OR4N2: variants seen among roughly 807,000 people sequenced by gnomAD.
OR4N2 encodes olfactory receptor family 4 subfamily N member 2, also known as olfactory receptor 4N2.
For missense variants in OR4N2, 307 were observed against 377.6 expected (o/e 0.81, Z 1.55); for synonymous variants, 141 against 140.4 (o/e 1.00, Z -0.03).
chr14:19,805,844 G>A (rs574766787), intron 1 of OR4N2, among the ~76,000 whole-genome samples: 87 of 152,236 alleles, frequency 5.7e-4, no homozygotes, highest in African/African-American at 1.7e-3. Context: ...GGTTATGTAC[G>A]AAGGGAACCC....
At position 19,827,952 on chromosome 14, in the gene OR4N2, T is replaced by C. The variant is rs1879761433; in HGVS notation, c.504T>C (p.Phe168=). 4 of 1,614,106 alleles carry C rather than the reference T, an allele frequency of 2.5e-6. No homozygotes were observed. The highest frequency in any genetic ancestry group is 1.3e-5 in the African/African-American group (1 of 74,934). Residue 168 remains phenylalanine (F), a synonymous_variant, in exon 2 of 2, where the codon TTT becomes TTC. Coordinates refer to ENST00000557677, the MANE Select transcript of OR4N2 (RefSeq NM_001004723.3). The part of the protein sequence containing the change: ...IQVVLILRLP[F]CGPNQLDNFF... The stretch of plus-strand genomic sequence containing the variant: ...TGGTCCTCATCCTCCGCTTGCCTTT[T>C]TGTGGCCCAAACCAGCTGGACAACT...
At chr14:19,806,290 A>T (rs1879163007) in intron 1 of OR4N2, among the ~76,000 whole-genome samples, 1 of 152,184 alleles carries the variant, frequency 6.6e-6, no homozygotes, top group South Asian at 2.1e-4. Flanking sequence ...TAAGTTGGAT[A>T]AAAAGGCAAG....
rs113156445 is a variant in OR4N2, at chr14:19,821,369, T to C, written c.-9-6071T>C. Among the ~76,000 whole-genome samples the C allele has an allele frequency of 2.3e-3, 350 of 152,246 alleles. 1 individual carries two copies. Among genetic ancestry groups the C allele is most frequent in the African/African-American group, 8.1e-3 (336 of 41,512 alleles). Reference sequence around the variant, plus strand: ...TCTTGCTGGGAGTTGCAGACCAGAGTTGCTCTTATTTGGCCATCTTGCCAG... The same window carrying C: ...TCTTGCTGGGAGTTGCAGACCAGAGCTGCTCTTATTTGGCCATCTTGCCAG... On this transcript the variant is annotated intron_variant, in intron 1 of 1. Coordinates refer to ENST00000557677, the MANE Select transcript of OR4N2 (RefSeq NM_001004723.3).
At position 19,827,868 on chromosome 14, in the gene OR4N2, C is replaced by G; in HGVS notation, c.420C>G (p.Thr140=). 1.9e-6 allele frequency: 3 copies of G among 1,614,262 alleles called. 1 individual carries two copies. The South Asian group carries it at 3.3e-5, about 18-fold the overall frequency. Residue 140 remains threonine, a synonymous_variant, in exon 2 of 2, where the codon ACC becomes ACG. Coordinates refer to ENST00000557677, the MANE Select transcript of OR4N2 (RefSeq NM_001004723.3). ...ATCCTACTGTCATGAACCCTAGAAC[C>G]TGCTATGCAATGATGTTGGCTCTGT... The part of the protein sequence containing the change: ...LHYPTVMNPR[T]CYAMMLALWL...
rs1468170835 is a variant in OR4N2, at chr14:19,808,442, C to T, written c.-10+4598C>T. ...TAGCATTTCCATACATCAATAATGT[C>T]CAGGCTGAGAGTGAAATCAAGGACA... On this transcript the variant is annotated intron_variant, in intron 1 of 1. Transcript: ENST00000557677. 3.3e-5 allele frequency among the ~76,000 whole-genome samples: 5 copies of T among 152,220 alleles called. No individual in the cohort carries two copies. The East Asian group carries it at 7.7e-4, about 23-fold the overall frequency.
At chr14:19,815,044 G>T (rs1879390805) in intron 1 of OR4N2, among the ~76,000 whole-genome samples, 1 of 152,328 alleles carries the variant, frequency 6.6e-6, no homozygotes, top group South Asian at 2.1e-4. Context: ...ATGTATATGT[G>T]ACCCATTTTC....
At chr14:19,818,361 G>T (rs529288818) in intron 1 of OR4N2, among the ~76,000 whole-genome samples, 747 of 152,128 alleles carry the variant, frequency 4.9e-3, no homozygotes, top group Non-Finnish European at 8.4e-3. Flanking sequence ...GAATATGAGT[G>T]CTCCTGTATT....
rs755540433 is a variant in OR4N2, at chr14:19,827,746, C to A, written c.298C>A (p.Gln100Lys). 1 of 1,614,122 alleles carries A rather than the reference C, an allele frequency of 6.2e-7. No homozygotes were observed. Among genetic ancestry groups the A allele is most frequent in the Non-Finnish European group, 8.5e-7 (1 of 1,180,054 alleles). Residue 100 changes from glutamine (Q) to lysine (K), a missense_variant, in exon 2 of 2, where the codon CAG (glutamine) becomes AAG (lysine). Transcript: ENST00000557677. ...AATCTCCTACAGAGGCTGCATCACT[C>A]AGCTCTTTTTCTTGCACTTCCTTGG... ...KIISYRGCIT[Q>K]LFFLHFLGGG...
Position 19,829,746 on chromosome 14 carries a change from A to G in OR4N2, c.*1374A>G, listed in dbSNP as rs577107271. The G allele has an allele frequency of 9.3e-4, 142 of 152,344 alleles. No homozygotes were observed. Among genetic ancestry groups the G allele is most frequent in the African/African-American group, 3.1e-3 (130 of 41,568 alleles). The allele number at this position is 152,344 out of a possible 1,614,324, so 9.4% of individuals were successfully genotyped here. ...AGCATCCAAAACATCTGGAACCCCA[A>G]ATGCAAGGGGGTCAAAAATTGAGTT... On this transcript the variant is annotated 3_prime_UTR_variant, in exon 2 of 2. Coordinates refer to ENST00000557677, the MANE Select transcript of OR4N2 (RefSeq NM_001004723.3).
intron 1 of OR4N2, among the ~76,000 whole-genome samples, chr14:19,823,730 G>A (rs1879623009): frequency 6.6e-6 from 1 of 150,960 alleles, no homozygotes; most frequent in African/African-American, 2.4e-5. Flanking sequence ...AATAAATAGA[G>A]CCAGAAAGAA....
chr14:19,814,919 G>A (rs557701599), intron 1 of OR4N2, among the ~76,000 whole-genome samples: 1 of 152,316 alleles, frequency 6.6e-6, no homozygotes, highest in South Asian at 2.1e-4. Context: ...AGAACATGTG[G>A]TGTTTGGTTT....
chr14:19,808,712 G>GA lies in OR4N2; in HGVS notation c.-10+4874dup, dbSNP rs1388113074. Among the ~76,000 whole-genome samples the GA allele has an allele frequency of 2.6e-5, 4 of 151,524 alleles. No homozygotes were observed. In the East Asian group the frequency reaches 5.8e-4, roughly 22 times the overall value. On this transcript the variant is annotated intron_variant, in intron 1 of 1. Coordinates refer to ENST00000557677, the MANE Select transcript of OR4N2 (RefSeq NM_001004723.3). Reference sequence around the variant, plus strand: ...ACCAACACCATTCTTCTCAGAATTAGAAAAAAGATCTAAAATTCATACAGA... The same window carrying GA: ...ACCAACACCATTCTTCTCAGAATTAGAAAAAAAGATCTAAAATTCATACAGA...
chr14:19,812,329 C>CTTTTTTTTTTTTTT (rs3078143), intron 1 of OR4N2, among the ~76,000 whole-genome samples: 156 of 117,384 alleles, frequency 1.3e-3, no homozygotes, highest in South Asian at 4.0e-3. Flanking sequence ...CTTTTCTTTT[C>CTTTTTTTTTTTTTT]TTTTTTTTTT....
intron 1 of OR4N2, among the ~76,000 whole-genome samples, chr14:19,813,123 G>T (rs1370106887): frequency 4.6e-5 from 7 of 152,200 alleles, no homozygotes; most frequent in African/African-American, 1.7e-4. Context: ...TAAGATCCTG[G>T]ATTATATGCA....
chr14:19,824,909 A>G (rs1313895742), intron 1 of OR4N2, among the ~76,000 whole-genome samples: 1 of 152,282 alleles, frequency 6.6e-6, no homozygotes, highest in Non-Finnish European at 1.5e-5. Context: ...TAGGGAATCA[A>G]GGTATGTGCT....
chr14:19,815,395 T>C (rs1879398629), intron 1 of OR4N2, among the ~76,000 whole-genome samples: 1 of 152,258 alleles, frequency 6.6e-6, no homozygotes, highest in Non-Finnish European at 1.5e-5. Context: ...CTCATTGTGG[T>C]TTTGATTTGC....
At chr14:19,805,059 C>T (rs183007069) in intron 1 of OR4N2, among the ~76,000 whole-genome samples, 1 of 152,226 alleles carries the variant, frequency 6.6e-6, no homozygotes, top group East Asian at 1.9e-4. Context: ...ATTTTTTCTC[C>T]ATCCCTTTAT....
chr14:19,827,594 T>C lies in OR4N2; in HGVS notation c.146T>C (p.Ile49Thr), dbSNP rs572623068. ...GGAAATTTTCTCATTATTTTCACCA[T>C]AAAGTCAGACCCTGGGCTCACAGCC... ...LPGNFLIIFT[I>T]KSDPGLTAPL... is the part of the protein sequence containing the mutation. The change falls in exon 2 of 2, where the codon ATA becomes ACA. Residue 49 changes from isoleucine to threonine, a missense_variant. Ile to Thr is a moderately conservative substitution (Grantham distance 89). Transcript: ENST00000557677. 8.1e-6 allele frequency: 13 copies of C among 1,614,192 alleles called. No homozygotes were observed. The East Asian group carries it at 2.7e-4, about 33-fold the overall frequency.
At chr14:19,803,972 T>C (rs1879089143) in intron 1 of OR4N2, 128 bp downstream of exon 1, 1 of 152,284 alleles carries the variant, frequency 6.6e-6, no homozygotes, top group African/African-American at 2.4e-5. Context: ...TCTTCTAGTT[T>C]GTGTGCATAG....
Sources: gnomAD v4.1 joint callset for allele counts (sites outside exome capture counted in the v4.1 genomes callset) on GRCh38, gnomAD v4.1.1 for gene constraint, MANE v1.5 for transcripts, NCBI Gene and HGNC (gene_info 2026-07-23, HGNC 2026-07-21) for gene names.